IL1R1: variants seen among roughly 807,000 people sequenced by gnomAD.
IL1R1 encodes the protein interleukin-1 receptor type 1.
A neutral mutation model predicts 50.2 loss-of-function variants in IL1R1; 22 were observed. That is an observed-to-expected ratio of 0.44 (90% CI 0.31 to 0.63). The LOEUF (loss-of-function observed/expected upper bound fraction) is 0.63. IL1R1 is among the 20% of genes least tolerant of loss of function. The pLI is 0.07. For synonymous variants in IL1R1, 251 were observed against 236.7 expected, an observed-to-expected ratio of 1.06 and a Z score of -0.55; for missense variants, 509 against 676.2, an observed-to-expected ratio of 0.75 and a Z score of 2.74.
chr2:102,108,161 G>C (rs72996544), intron 1 of IL1R1, among the ~76,000 whole-genome samples: 1 of 152,012 alleles, frequency 6.6e-6, no homozygotes, highest in African/African-American at 2.4e-5. Flanking sequence ...AGTTTCTGGA[G>C]AGCTGCATGC....
chr2:102,166,930 G>A (rs374995048), intron 6 of IL1R1, among the ~76,000 whole-genome samples: 6 of 152,128 alleles, frequency 3.9e-5, no homozygotes, highest in South Asian at 2.1e-4. Context: ...TCAATTCTGC[G>A]TTAACCATGT....
upstream of IL1R1, among the ~76,000 whole-genome samples, chr2:102,140,969 C>T (rs1682613689): frequency 6.6e-6 from 1 of 152,184 alleles, no homozygotes; most frequent in East Asian, 1.9e-4. Context: ...TTAAAAAAGA[C>T]AAAAATTACG....
chr2:102,077,277 G>T (rs754672544), intron 1 of IL1R1, among the ~76,000 whole-genome samples: 1 of 152,036 alleles, frequency 6.6e-6, no homozygotes, highest in African/African-American at 2.4e-5. Flanking sequence ...TGCCATTTTG[G>T]CCAGGCTGGT....
chr2:102,134,654 A>C (rs1176305807), intron 1 of IL1R1, among the ~76,000 whole-genome samples: 2 of 152,290 alleles, frequency 1.3e-5, no homozygotes, highest in East Asian at 3.9e-4. Flanking sequence ...CTAGGATTAC[A>C]GGCATGAGCC....
At chr2:102,071,214 A>G (rs1372713453) in intron 1 of IL1R1, among the ~76,000 whole-genome samples, 2 of 152,204 alleles carry the variant, frequency 1.3e-5, no homozygotes, top group African/African-American at 4.8e-5. Context: ...AATCAGAAGT[A>G]TGTAAAGGAA....
chr2:102,078,216 T>G (rs1449560596), intron 1 of IL1R1, among the ~76,000 whole-genome samples: 1 of 149,880 alleles, frequency 6.7e-6, no homozygotes, highest in Admixed American at 6.6e-5. Context: ...AAGATCAGAG[T>G]AGAAATAGAT....
At chr2:102,074,335 C>T (rs1051528054) in intron 1 of IL1R1, among the ~76,000 whole-genome samples, 10 of 151,348 alleles carry the variant, frequency 6.6e-5, no homozygotes, top group South Asian at 2.1e-4. Flanking sequence ...TGCTTTCACA[C>T]GTCTGGTGCT....
intron 1 of IL1R1, among the ~76,000 whole-genome samples, chr2:102,149,992 G>T (rs1318291765): frequency 6.6e-6 from 1 of 152,138 alleles, no homozygotes; most frequent in East Asian, 1.9e-4. Flanking sequence ...CCTCCAGCAG[G>T]TTCTGATACT....
At chr2:102,093,211 G>GA (rs955892189) in intron 1 of IL1R1, among the ~76,000 whole-genome samples, 1 of 151,362 alleles carries the variant, frequency 6.6e-6, no homozygotes, top group African/African-American at 2.4e-5. Flanking sequence ...TGGTGAAGGA[G>GA]AAAAAAAAGG....
intron 2 of IL1R1, among the ~76,000 whole-genome samples, chr2:102,156,787 A>G (rs947298673): frequency 6.6e-6 from 1 of 152,230 alleles, no homozygotes; most frequent in Non-Finnish European, 1.5e-5. Flanking sequence ...TACTGGGATT[A>G]CAGGGGTAAA....
upstream of IL1R1, among the ~76,000 whole-genome samples, chr2:102,139,553 A>G (rs1264542934): frequency 3.3e-5 from 5 of 152,218 alleles, no homozygotes; most frequent in South Asian, 2.1e-4. Context: ...GTAATCCCCA[A>G]TGTTGGAGGT....
intron 1 of IL1R1, among the ~76,000 whole-genome samples, chr2:102,098,212 T>C (rs1020320313): frequency 6.6e-6 from 1 of 152,120 alleles, no homozygotes; most frequent in Admixed American, 6.6e-5. Flanking sequence ...ATATCTATTC[T>C]TGATACTCTC....
intron 1 of IL1R1, among the ~76,000 whole-genome samples, chr2:102,129,276 C>CAAT (rs386390772): frequency 1.3e-5 from 2 of 151,578 alleles, no homozygotes; most frequent in African/African-American, 4.9e-5. Flanking sequence ...ACAACAACAA[C>CAAT]AACAACAACA....
intron 1 of IL1R1, among the ~76,000 whole-genome samples, chr2:102,145,855 G>A (rs1029627638): frequency 6.6e-6 from 1 of 152,146 alleles, no homozygotes; most frequent in Non-Finnish European, 1.5e-5. Flanking sequence ...TATTTTCAAA[G>A]CCCCCCAGGT....
intron 1 of IL1R1, among the ~76,000 whole-genome samples, chr2:102,150,488 T>C (rs1683552991): frequency 6.6e-6 from 1 of 152,270 alleles, no homozygotes; most frequent in Non-Finnish European, 1.5e-5. Flanking sequence ...GCCTCAAATA[T>C]GCATTTTCAT....
intron 1 of IL1R1, among the ~76,000 whole-genome samples, chr2:102,135,480 T>C (rs1682294490): frequency 6.6e-6 from 1 of 152,252 alleles, no homozygotes. Flanking sequence ...CAAAGTATTA[T>C]GTTAATGAAT....
chr2:102,123,428 C>T lies in IL1R1; in HGVS notation c.-84+18556C>T, dbSNP rs143796160. ...AAGTAGCATTTACCATAAATATTAA[C>T]GGTAAATGAAAAGGCTAGGGGAAAT... On this transcript the variant is annotated intron_variant, in intron 1 of 10. Transcript: ENST00000409329. 3.6e-3 allele frequency among the ~76,000 whole-genome samples: 544 copies of T among 152,118 alleles called. 3 individuals carry two copies. Among genetic ancestry groups the T allele is most frequent in the African/African-American group, 0.012 (496 of 41,500 alleles).
intron 1 of IL1R1, among the ~76,000 whole-genome samples, chr2:102,146,714 G>C (rs929546961): frequency 6.6e-6 from 1 of 152,228 alleles, no homozygotes; most frequent in East Asian, 1.9e-4. Flanking sequence ...GAAGGGAGTT[G>C]GGGGGCTAGG....
chr2:102,108,431 TTTG>T (rs1370290814), intron 1 of IL1R1, among the ~76,000 whole-genome samples: 18 of 152,288 alleles, frequency 1.2e-4, no homozygotes, highest in Non-Finnish European at 2.4e-4. Flanking sequence ...ATCCATGGGC[TTTG>T]CTCAGCTCCC....
Sources: allele counts gnomAD v4.1 joint callset (sites outside exome capture counted in the v4.1 genomes callset), GRCh38; gene constraint gnomAD v4.1.1; transcripts MANE v1.5; gene names NCBI Gene and HGNC (gene_info 2026-07-23, HGNC 2026-07-21).